SHC3: variants seen among roughly 807,000 people sequenced by gnomAD.
SHC3 encodes SHC-transforming protein 3.
Under a neutral mutation model 60.4 loss-of-function variants are expected in SHC3, and 15 were observed. The ratio of observed to expected loss-of-function variants is 0.25; its 90% CI spans 0.17 to 0.38. The LOEUF (loss-of-function observed/expected upper bound fraction) is 0.38, where lower values mean the gene tolerates loss of function less well. SHC3 is among the 10% of genes least tolerant of loss of function. The pLI, the probability that SHC3 is intolerant of heterozygous loss-of-function variation, is 1.00. For synonymous variants in SHC3, 294 were observed against 325.9 expected, an observed-to-expected ratio of 0.90 and a Z score of 1.05; for missense variants, 677 against 786.1, an observed-to-expected ratio of 0.86 and a Z score of 1.66.
At chr9:89,149,487 C>T (rs540904973) in intron 1 of SHC3, among the ~76,000 whole-genome samples, 2 of 152,116 alleles carry the variant, frequency 1.3e-5, no homozygotes, top group Non-Finnish European at 2.9e-5. Flanking sequence ...CTCTGCACCC[C>T]TCTTCCTAAG....
Position 89,045,788 on chromosome 9 carries a change from C to G in SHC3, c.1159G>C (p.Asp387His), listed in dbSNP as rs780604813. The G allele has an allele frequency of 6.2e-7, 1 of 1,614,192 alleles. No individual in the cohort carries two copies. The highest frequency in any genetic ancestry group is 1.1e-5 in the South Asian group (1 of 91,080). ...TGCTGCCAGTCTTCGCCAAAAGTGT[C>G]TCCTAAGTGTCTTCCCTGGTAATAA... ...QTYYQGRHLG[D>H]TFGEDWQQTP... Residue 387 changes from aspartate to histidine, a missense_variant, in exon 9 of 12, where the codon GAC becomes CAC. Physicochemically the swap from Asp to His is moderately conservative, Grantham distance 81. Transcript: ENST00000375835.
intron 1 of SHC3, among the ~76,000 whole-genome samples, chr9:89,161,145 TATA>T (rs1826699288): frequency 6.6e-6 from 1 of 152,122 alleles, no homozygotes; most frequent in African/African-American, 2.4e-5. Flanking sequence ...CATGTTGAAA[TATA>T]ATCCCCATGT....
intron 1 of SHC3, among the ~76,000 whole-genome samples, chr9:89,119,082 C>T (rs1336396133): frequency 1.3e-5 from 2 of 152,030 alleles, no homozygotes; most frequent in African/African-American, 4.8e-5. Flanking sequence ...GCATGCCAAG[C>T]GCTGTTCAGT....
intron 11 of SHC3, among the ~76,000 whole-genome samples, chr9:89,033,838 G>C (rs569449321): frequency 6.6e-6 from 1 of 152,296 alleles, no homozygotes; most frequent in South Asian, 2.1e-4. Flanking sequence ...AAAAAGATTA[G>C]GGAAGGCTTC....
intron 2 of SHC3, chr9:89,088,938 G>A (rs79616561): frequency 0.013 from 2,001 of 152,432 alleles, 28 homozygotes; most frequent in Non-Finnish European, 0.018. Context: ...GACCACACCT[G>A]CAAGGCAAGA....
At chr9:89,110,255 G>A (rs1337873466) in intron 2 of SHC3, 4 of 984,968 alleles carry the variant, frequency 4.1e-6, no homozygotes, top group Non-Finnish European at 4.8e-6. Flanking sequence ...CAGCCGTAGG[G>A]GCAAAATTTT....
chr9:89,151,873 T>C (rs1348057358), intron 1 of SHC3, among the ~76,000 whole-genome samples: 1 of 152,242 alleles, frequency 6.6e-6, no homozygotes, highest in Non-Finnish European at 1.5e-5. Context: ...TGTTTTTCTT[T>C]ATGTCCTTCT....
At chr9:89,080,194 T>C (rs1825421872) in intron 2 of SHC3, among the ~76,000 whole-genome samples, 1 of 152,240 alleles carries the variant, frequency 6.6e-6, no homozygotes. Flanking sequence ...TTTAGCTTTA[T>C]GTAGTTCCAC....
intron 1 of SHC3, among the ~76,000 whole-genome samples, chr9:89,141,236 G>A (rs1826389034): frequency 6.6e-6 from 1 of 152,180 alleles, no homozygotes; most frequent in Non-Finnish European, 1.5e-5. Flanking sequence ...GTATTTACAA[G>A]GTCAAGCTCC....
chr9:89,017,396 G>A lies in SHC3; in HGVS notation c.1657-3821C>T, dbSNP rs143094757. On this transcript the variant is annotated intron_variant, in intron 11 of 11. Coordinates refer to ENST00000375835, the MANE Select transcript of SHC3 (RefSeq NM_016848.6). The stretch of plus-strand genomic sequence containing the variant: ...AAACCTGACAGAAACATGCAATGGG[G>A]AAAGGATTCACTATTTAATAAATGG... 9.9e-3 allele frequency among the ~76,000 whole-genome samples: 1,509 copies of A among 152,288 alleles called. 36 individuals are homozygous for A. The highest frequency in any genetic ancestry group is 0.087 in the East Asian group (452 of 5,184).
intron 5 of SHC3, 56 bp downstream of exon 5, chr9:89,071,143 G>T (rs1261835830): frequency 1.3e-6 from 2 of 1,532,876 alleles, no homozygotes; most frequent in Non-Finnish European, 1.8e-6. Context: ...TTGAAGCAGG[G>T]GTCCCTTCTC....
chr9:89,073,285 G>T (rs1825303141), intron 4 of SHC3, among the ~76,000 whole-genome samples: 1 of 152,204 alleles, frequency 6.6e-6, no homozygotes, highest in Non-Finnish European at 1.5e-5. Context: ...GAGCCTTATT[G>T]TGTGATTGTA....
intron 1 of SHC3, among the ~76,000 whole-genome samples, chr9:89,141,984 T>G (rs1315396470): frequency 1.3e-5 from 2 of 152,100 alleles, no homozygotes; most frequent in African/African-American, 4.8e-5. Context: ...TTCCAGCAGT[T>G]CCATCAGCTC....
chr9:89,132,523 C>T (rs1230614541), intron 1 of SHC3, among the ~76,000 whole-genome samples: 3 of 152,200 alleles, frequency 2.0e-5, no homozygotes, highest in African/African-American at 7.2e-5. Flanking sequence ...TACAAGGCTA[C>T]AGTAACCAAA....
At chr9:89,142,837 C>A (rs1296166966) in intron 1 of SHC3, among the ~76,000 whole-genome samples, 2 of 152,062 alleles carry the variant, frequency 1.3e-5, no homozygotes, top group African/African-American at 4.8e-5. Context: ...GATAATTTTC[C>A]TTCGGGTCGA....
chr9:89,165,502 A>G (rs899314869), intron 1 of SHC3, among the ~76,000 whole-genome samples: 4 of 138,648 alleles, frequency 2.9e-5, no homozygotes, highest in African/African-American at 1.1e-4. Flanking sequence ...TGGCAAGATC[A>G]GTAGTTTATT....
At chr9:89,066,755 G>A (rs1423750227) in intron 5 of SHC3, among the ~76,000 whole-genome samples, 7 of 152,138 alleles carry the variant, frequency 4.6e-5, no homozygotes, top group Admixed American at 3.3e-4. Flanking sequence ...AGGCTCTGTC[G>A]TGACTTGCTC....
chr9:89,093,989 A>T (rs1449008586), intron 2 of SHC3, among the ~76,000 whole-genome samples: 1 of 151,884 alleles, frequency 6.6e-6, no homozygotes, highest in Non-Finnish European at 1.5e-5. Flanking sequence ...CTGTAATCCC[A>T]GCTACTCAGG....
intron 2 of SHC3, chr9:89,109,557 C>T (rs1019413561): frequency 4.6e-5 from 45 of 985,472 alleles, no homozygotes; most frequent in Non-Finnish European, 5.3e-5. Context: ...TTTGCCAAGC[C>T]TTCCAAGTGA....
Sources: allele counts gnomAD v4.1 joint callset (sites outside exome capture counted in the v4.1 genomes callset), GRCh38; gene constraint gnomAD v4.1.1; transcripts MANE v1.5; gene names NCBI Gene and HGNC (gene_info 2026-07-23, HGNC 2026-07-21).